The following AKAP6 variants were observed in gnomAD, a reference collection of about 807,000 sequenced individuals.
AKAP6 encodes the protein A-kinase anchor protein 6.
A neutral mutation model predicts 188.5 loss-of-function variants in AKAP6; 58 were observed. The ratio of observed to expected loss-of-function variants is 0.31; its 90% CI spans 0.25 to 0.38. AKAP6 has a LOEUF of 0.38. Ranked by LOEUF, AKAP6 falls within the 10% of genes least tolerant of loss-of-function variation. The pLI is 1.00. For missense variants in AKAP6, 2,710 were observed against 2,740.0 expected (o/e 0.99, Z 0.24); for synonymous variants, 989 against 998.6 (o/e 0.99, Z 0.18).
At chr14:32,773,056 G>T (rs1262143737) in intron 11 of AKAP6, among the ~76,000 whole-genome samples, 1 of 152,136 alleles carries the variant, frequency 6.6e-6, no homozygotes, top group Non-Finnish European at 1.5e-5. Flanking sequence ...TCTATTAAAA[G>T]AAACACAGCA....
At chr14:32,527,126 G>A (rs1456035334) in intron 2 of AKAP6, among the ~76,000 whole-genome samples, 1 of 152,050 alleles carries the variant, frequency 6.6e-6, no homozygotes, top group African/African-American at 2.4e-5. Context: ...TTCCCTCCTT[G>A]CCCCAAACGG....
At chr14:32,612,282 T>A (rs551289996) in intron 7 of AKAP6, among the ~76,000 whole-genome samples, 2 of 152,194 alleles carry the variant, frequency 1.3e-5, no homozygotes, top group African/African-American at 2.4e-5. Context: ...GACCGCAAAC[T>A]CCTTGGGGCA....
At chr14:32,514,513 T>C (rs1881421173) in intron 2 of AKAP6, among the ~76,000 whole-genome samples, 1 of 152,206 alleles carries the variant, frequency 6.6e-6, no homozygotes, top group Non-Finnish European at 1.5e-5. Context: ...AGAACTTTGA[T>C]TTCCTTAACT....
rs763406097 is a variant in AKAP6 at position 32,822,621 on chromosome 14, A to G, written c.4808A>G (p.Tyr1603Cys). 4.3e-6 allele frequency: 7 copies of G among 1,614,046 alleles called. No homozygotes were observed. Among genetic ancestry groups the G allele is most frequent in the Non-Finnish European group, 5.9e-6 (7 of 1,179,954 alleles). ...STSLESWLTS[Y>C]KSNEDLFSCH... The stretch of plus-strand genomic sequence containing the variant: ...TCTTTAGAAAGTTGGTTGACTTCCT[A>G]TAAAAGCAATGAAGATCTCTTTAGC... Residue 1603 changes from tyrosine to cysteine, a missense_variant, in exon 13 of 14, where the codon TAT (tyrosine) becomes TGT (cysteine). Tyr to Cys is a radical substitution (Grantham distance 194). Coordinates refer to ENST00000280979, the MANE Select transcript of AKAP6 (RefSeq NM_004274.5).
In AKAP6 at chr14:32,735,730, C is replaced by T; in HGVS notation, c.3220C>T (p.Pro1074Ser). The T allele has an allele frequency of 1.2e-6, 2 of 1,613,388 alleles. No homozygotes were observed. The highest frequency in any genetic ancestry group is 1.3e-5 in the African/African-American group (1 of 74,892). The change falls in exon 11 of 14, where the codon CCT becomes TCT. Residue 1074 changes from proline (P) to serine (S), a missense_variant. Coordinates refer to ENST00000280979, the MANE Select transcript of AKAP6 (RefSeq NM_004274.5). ...GTCGAGTCCACGTGACCTGCTCTCTCCTGAAAGTGGAAGCCTGGTAAGGCA... is the reference window on the plus strand; with the variant it reads ...GTCGAGTCCACGTGACCTGCTCTCTTCTGAAAGTGGAAGCCTGGTAAGGCA... Reference protein sequence around the residue: ...SGSSPRDLLSPESGSLVRQLE... With the variant: ...SGSSPRDLLSSESGSLVRQLE...
At chr14:32,736,006 G>A in intron 11 of AKAP6, 124 bp downstream of exon 11, 2 of 700,658 alleles carry the variant, frequency 2.9e-6, no homozygotes, top group Non-Finnish European at 4.6e-6. Context: ...ATGTTTCCTT[G>A]AATTTATAGA....
chr14:32,377,255 A>T (rs1409125110), intron 1 of AKAP6, among the ~76,000 whole-genome samples: 1 of 152,150 alleles, frequency 6.6e-6, no homozygotes, highest in Non-Finnish European at 1.5e-5. Flanking sequence ...TCTCTCGCTC[A>T]TTCTAGCTTA....
intron 1 of AKAP6, among the ~76,000 whole-genome samples, chr14:32,330,613 T>A (rs2138380213): frequency 6.6e-6 from 1 of 151,272 alleles, no homozygotes; most frequent in Admixed American, 6.6e-5. Context: ...CACGAAAGAA[T>A]GGCAACCATT....
At chr14:32,580,980 C>A (rs1884942834) in intron 5 of AKAP6, among the ~76,000 whole-genome samples, 1 of 152,092 alleles carries the variant, frequency 6.6e-6, no homozygotes, top group African/African-American at 2.4e-5. Flanking sequence ...GGTTCCAAGT[C>A]TTTGCTATTG....
At chr14:32,384,411 A>G (rs1026894021) in intron 1 of AKAP6, among the ~76,000 whole-genome samples, 1 of 152,200 alleles carries the variant, frequency 6.6e-6, no homozygotes. Flanking sequence ...GGGAAATTCT[A>G]AAGTTGTCAC....
intron 11 of AKAP6, among the ~76,000 whole-genome samples, chr14:32,772,028 A>G (rs182682417): frequency 6.4e-4 from 98 of 152,106 alleles, no homozygotes; most frequent in Middle Eastern, 3.4e-3. Flanking sequence ...CAAGAGATAA[A>G]TTGAAGGGTG....
intron 1 of AKAP6, among the ~76,000 whole-genome samples, chr14:32,404,590 C>G (rs1006288417): frequency 6.8e-6 from 1 of 148,124 alleles, no homozygotes; most frequent in African/African-American, 2.5e-5. Flanking sequence ...ATCCTCAGAG[C>G]CTATGGAATT....
chr14:32,342,143 A>G (rs1408838844), intron 1 of AKAP6, among the ~76,000 whole-genome samples: 1 of 152,106 alleles, frequency 6.6e-6, no homozygotes, highest in East Asian at 1.9e-4. Context: ...TTCTATTTCC[A>G]TGTGCTGATG....
chr14:32,671,962 C>T (rs555316546), intron 7 of AKAP6, among the ~76,000 whole-genome samples: 33 of 152,214 alleles, frequency 2.2e-4, no homozygotes, highest in African/African-American at 7.5e-4. Context: ...TATAAAAGTG[C>T]TTATGTGTTT....
rs550243484 is a variant in AKAP6, at chr14:32,356,317, T to C, written c.-35+26909T>C. The stretch of plus-strand genomic sequence containing the variant: ...TACCAGGGCTTGCTCCTACTATCCA[T>C]GTCTTGCGGACTCACAGGTTTATAT... On this transcript the variant is annotated intron_variant, in intron 1 of 13. Coordinates refer to ENST00000280979, the MANE Select transcript of AKAP6 (RefSeq NM_004274.5). Among the ~76,000 whole-genome samples, 26 of 152,296 alleles carry C rather than the reference T, an allele frequency of 1.7e-4. 1 individual carries two copies. In the South Asian group the frequency reaches 5.4e-3, roughly 32 times the overall value.
At chr14:32,789,437 A>G (rs1268969148) in intron 12 of AKAP6, among the ~76,000 whole-genome samples, 3 of 152,204 alleles carry the variant, frequency 2.0e-5, no homozygotes, top group Admixed American at 6.5e-5. Flanking sequence ...AGACCTCCCA[A>G]CAGGGGTCTC....
intron 1 of AKAP6, among the ~76,000 whole-genome samples, chr14:32,337,626 A>G (rs1368576811): frequency 6.6e-6 from 1 of 151,952 alleles, no homozygotes; most frequent in East Asian, 1.9e-4. Flanking sequence ...CAATATGCAG[A>G]TTTGTTACAT....
At chr14:32,750,503 C>A (rs2383375) in intron 11 of AKAP6, among the ~76,000 whole-genome samples, 92,633 of 151,534 alleles carry the variant, frequency 0.61, 31,477 homozygotes, top group Non-Finnish European at 0.75. Context: ...AGTAGGATCA[C>A]TTGACGTCAG....
chr14:32,488,347 T>G (rs576617833), intron 2 of AKAP6, among the ~76,000 whole-genome samples: 22 of 152,256 alleles, frequency 1.4e-4, no homozygotes, highest in African/African-American at 4.8e-4. Flanking sequence ...AACTGCCTAC[T>G]CAAGCCTCAG....
Sources: gnomAD v4.1 joint callset for allele counts (sites outside exome capture counted in the v4.1 genomes callset) on GRCh38, gnomAD v4.1.1 for gene constraint, MANE v1.5 for transcripts, NCBI Gene and HGNC (gene_info 2026-07-23, HGNC 2026-07-21) for gene names.